The following CRTC3 variants were observed in gnomAD, a reference collection of about 807,000 sequenced individuals.
CRTC3 encodes the protein CREB-regulated transcription coactivator 3.
In CRTC3, 26 loss-of-function variants were observed where a neutral mutation model predicts 74.5. The observed-to-expected ratio is 0.35, with a 90% confidence interval of 0.26 to 0.48. CRTC3 has a LOEUF of 0.48. CRTC3 is among the 20% of genes least tolerant of loss of function. The probability of loss-of-function intolerance (pLI) is 0.99; values close to 1 mark genes in which losing one functional copy is unlikely to be tolerated. For synonymous variants in CRTC3, 377 were observed against 325.8 expected (o/e 1.16, Z -1.69); for missense variants, 760 against 787.3 (o/e 0.97, Z 0.41).
At chr15:90,577,099 A>T (rs1394002851) in intron 2 of CRTC3, among the ~76,000 whole-genome samples, 1 of 152,110 alleles carries the variant, frequency 6.6e-6, no homozygotes, top group Admixed American at 6.6e-5. Flanking sequence ...GCTGCCATGC[A>T]GTGGCTCACA....
At chr15:90,602,739 G>A (rs1293974337) in intron 4 of CRTC3, among the ~76,000 whole-genome samples, 1 of 152,174 alleles carries the variant, frequency 6.6e-6, no homozygotes. Context: ...ACTTTGGGAG[G>A]CTGAGGCGGG....
intron 2 of CRTC3, among the ~76,000 whole-genome samples, chr15:90,587,014 T>C (rs887408653): frequency 6.6e-6 from 1 of 152,244 alleles, no homozygotes; most frequent in Non-Finnish European, 1.5e-5. Context: ...ATCTGGGGTT[T>C]CTAATTAACC....
intron 2 of CRTC3, among the ~76,000 whole-genome samples, chr15:90,543,947 C>T (rs945701330): frequency 3.9e-5 from 6 of 151,998 alleles, no homozygotes; most frequent in Admixed American, 1.3e-4. Flanking sequence ...ATCAAATGTC[C>T]GTAGTCTTTT....
At chr15:90,597,380 C>T (rs993844316) in intron 3 of CRTC3, among the ~76,000 whole-genome samples, 2 of 152,148 alleles carry the variant, frequency 1.3e-5, no homozygotes, top group African/African-American at 4.8e-5. Context: ...ACACGAAATG[C>T]CTTCCTTGAA....
At chr15:90,607,552 C>T in intron 6 of CRTC3, 74 bp downstream of exon 6, 1 of 947,420 alleles carries the variant, frequency 1.1e-6, no homozygotes, top group Non-Finnish European at 1.6e-6. Flanking sequence ...GAGAGAGAAG[C>T]TGAAGTGGTG....
chr15:90,532,384 A>G (rs1327593614), intron 1 of CRTC3, among the ~76,000 whole-genome samples: 1 of 152,222 alleles, frequency 6.6e-6, no homozygotes, highest in Non-Finnish European at 1.5e-5. Flanking sequence ...CAGTTGGAGG[A>G]GTATCTGCCT....
intron 2 of CRTC3, among the ~76,000 whole-genome samples, chr15:90,549,992 C>T (rs577963699): frequency 6.3e-4 from 95 of 151,112 alleles, no homozygotes; most frequent in African/African-American, 2.1e-3. Context: ...GCGTGAGCCA[C>T]CACACCTGGC....
At chr15:90,568,359 A>AT (rs962561542) in intron 2 of CRTC3, among the ~76,000 whole-genome samples, 116 of 148,450 alleles carry the variant, frequency 7.8e-4, no homozygotes, top group Middle Eastern at 3.4e-3. Flanking sequence ...ATTGACTCCA[A>AT]TTTTTTTTTT....
intron 2 of CRTC3, among the ~76,000 whole-genome samples, chr15:90,556,170 C>A (rs903532878): frequency 2.6e-5 from 4 of 151,754 alleles, no homozygotes; most frequent in African/African-American, 9.7e-5. Flanking sequence ...AATAATATTT[C>A]ATCATATATG....
intron 5 of CRTC3, 89 bp downstream of exon 5, chr15:90,604,536 G>T: frequency 3.0e-6 from 3 of 1,002,274 alleles, no homozygotes; most frequent in Non-Finnish European, 4.8e-6. Context: ...GCCAGAGTGT[G>T]TTTATGTAAG....
intron 2 of CRTC3, among the ~76,000 whole-genome samples, chr15:90,543,833 A>T (rs117133856): frequency 3.2e-4 from 49 of 152,284 alleles, no homozygotes; most frequent in Non-Finnish European, 6.2e-4. Context: ...CCATTACCCC[A>T]AAAGGTTCCC....
chr15:90,572,023 A>G (rs149713721), intron 2 of CRTC3, among the ~76,000 whole-genome samples: 4,959 of 152,112 alleles, frequency 0.033, 294 homozygotes, highest in African/African-American at 0.11. Context: ...TTAGCTGGGC[A>G]TGGTGGTGTG....
In CRTC3 at chr15:90,639,405, G is replaced by A. The variant is rs928488763; in HGVS notation, c.1548+590G>A. 5.3e-5 allele frequency among the ~76,000 whole-genome samples: 8 copies of A among 151,038 alleles called. No individual in the cohort carries two copies. The South Asian group carries it at 8.4e-4, about 16-fold the overall frequency. ...TCAATAAGTATGGACTGGGCCCTCC[G>A]ATGGATTAAGGAGTGGAAGAAGGGT... On this transcript the variant is annotated intron_variant, in intron 13 of 14. Coordinates refer to ENST00000268184, the MANE Select transcript of CRTC3 (RefSeq NM_022769.5).
intron 2 of CRTC3, among the ~76,000 whole-genome samples, chr15:90,574,426 C>T (rs1188149453): frequency 2.6e-5 from 4 of 152,062 alleles, no homozygotes; most frequent in Admixed American, 6.5e-5. Flanking sequence ...TGCAGTGAGC[C>T]GAGATCGCGC....
chr15:90,595,701 A>G (rs1967907321), intron 3 of CRTC3: 1 of 152,208 alleles, frequency 6.6e-6, no homozygotes, highest in Non-Finnish European at 1.5e-5. Context: ...TATCTCAGAT[A>G]CTTTTGAAGT....
At chr15:90,587,678 A>G (rs1232552486) in intron 2 of CRTC3, among the ~76,000 whole-genome samples, 4 of 152,110 alleles carry the variant, frequency 2.6e-5, no homozygotes, top group Non-Finnish European at 5.9e-5. Flanking sequence ...TAGTGGCAGG[A>G]TCTCAGTTCA....
At chr15:90,592,590 A>G (rs1270233931) in intron 2 of CRTC3, among the ~76,000 whole-genome samples, 1 of 152,186 alleles carries the variant, frequency 6.6e-6, no homozygotes, top group Non-Finnish European at 1.5e-5. Context: ...TTTTGGATTT[A>G]TTGACCATGA....
chr15:90,590,418 T>C (rs1196392827), intron 2 of CRTC3, among the ~76,000 whole-genome samples: 1 of 151,958 alleles, frequency 6.6e-6, no homozygotes, highest in Non-Finnish European at 1.5e-5. Flanking sequence ...GCCTTTTGAG[T>C]GGCACGTAGT....
At chr15:90,534,222 A>C (rs1966680759) in intron 1 of CRTC3, among the ~76,000 whole-genome samples, 1 of 152,094 alleles carries the variant, frequency 6.6e-6, no homozygotes, top group Non-Finnish European at 1.5e-5. Flanking sequence ...GATTTTGTGA[A>C]TGGGTGAGGA....
Sources: allele counts gnomAD v4.1 joint callset (sites outside exome capture counted in the v4.1 genomes callset), GRCh38; gene constraint gnomAD v4.1.1; transcripts MANE v1.5; gene names NCBI Gene and HGNC (gene_info 2026-07-23, HGNC 2026-07-21).